DLGAP2: variants seen among roughly 807,000 people sequenced by gnomAD.
DLGAP2 encodes disks large-associated protein 2.
DLGAP2 carries 26 observed loss-of-function variants against 100.3 expected under a neutral mutation model. The ratio of observed to expected loss-of-function variants is 0.26; its 90% CI spans 0.19 to 0.36. The LOEUF is 0.36. Ranked by LOEUF, DLGAP2 falls within the 10% of genes least tolerant of loss-of-function variation. The pLI is 1.00. For synonymous variants in DLGAP2, 886 were observed against 630.1 expected (o/e 1.41, Z -6.08); for missense variants, 1,858 against 1,453.2 (o/e 1.28, Z -4.53).
chr8:1,524,073 G>A (rs1800708966), intron 4 of DLGAP2, among the ~76,000 whole-genome samples: 2 of 152,194 alleles, frequency 1.3e-5, no homozygotes, highest in Non-Finnish European at 2.9e-5. Flanking sequence ...TCCCGTGTAA[G>A]AGTTCAGCGG....
intron 2 of DLGAP2, among the ~76,000 whole-genome samples, chr8:943,994 T>G (rs1799255682): frequency 1.3e-5 from 2 of 152,382 alleles, no homozygotes; most frequent in African/African-American, 4.8e-5. Context: ...TGATTAATTT[T>G]GAGATTACAA....
chr8:1,666,793 A>G (rs190508847), intron 8 of DLGAP2, among the ~76,000 whole-genome samples: 76 of 152,284 alleles, frequency 5.0e-4, no homozygotes, highest in Admixed American at 1.4e-3. Context: ...TTAACTCGGG[A>G]TGACATTAGA....
At chr8:1,364,970 C>T (rs1280354076) in intron 3 of DLGAP2, among the ~76,000 whole-genome samples, 1 of 152,200 alleles carries the variant, frequency 6.6e-6, no homozygotes, top group Non-Finnish European at 1.5e-5. Context: ...GGCCCCACTC[C>T]CTCCATGCCT....
intron 3 of DLGAP2, among the ~76,000 whole-genome samples, chr8:1,351,878 G>T (rs1801736687): frequency 1.0e-5 from 1 of 95,992 alleles, no homozygotes; most frequent in Non-Finnish European, 2.2e-5. Context: ...GGTCCTGACT[G>T]TGTTTGGAAA....
chr8:1,068,863 A>G (rs996403490), intron 2 of DLGAP2, among the ~76,000 whole-genome samples: 1 of 152,054 alleles, frequency 6.6e-6, no homozygotes, highest in Non-Finnish European at 1.5e-5. Context: ...TATCAAGAAG[A>G]TGCTTCTAGA....
chr8:823,384 G>A (rs1465416386), intron 1 of DLGAP2, among the ~76,000 whole-genome samples: 3 of 152,020 alleles, frequency 2.0e-5, no homozygotes, highest in African/African-American at 4.8e-5. Flanking sequence ...TTCACAGTAC[G>A]CTTGTCAACT....
chr8:779,029 A>G (rs1340319194), intron 1 of DLGAP2, among the ~76,000 whole-genome samples: 1 of 151,724 alleles, frequency 6.6e-6, no homozygotes, highest in Non-Finnish European at 1.5e-5. Context: ...CAGGTGCAGG[A>G]TATAATCTTG....
chr8:1,497,448 G>A (rs1434138881), intron 3 of DLGAP2, among the ~76,000 whole-genome samples: 2 of 152,182 alleles, frequency 1.3e-5, no homozygotes, highest in African/African-American at 2.4e-5. Context: ...AGCAGCCAAC[G>A]TTGGCTTCCT....
intron 3 of DLGAP2, among the ~76,000 whole-genome samples, chr8:1,415,156 G>T (rs925098773): frequency 1.3e-5 from 2 of 152,186 alleles, no homozygotes; most frequent in Admixed American, 1.3e-4. Flanking sequence ...GTACAAACAG[G>T]CAACTCTATT....
intron 2 of DLGAP2, among the ~76,000 whole-genome samples, chr8:1,079,251 C>G (rs1803721673): frequency 6.6e-6 from 1 of 152,014 alleles, no homozygotes; most frequent in Non-Finnish European, 1.5e-5. Flanking sequence ...GATTGTTTTT[C>G]TTATTGTTGG....
At chr8:1,019,791 G>C (rs1376883217) in intron 2 of DLGAP2, 1 of 152,156 alleles carries the variant, frequency 6.6e-6, no homozygotes, top group East Asian at 1.9e-4. Flanking sequence ...TGTCAGACTG[G>C]GGGATTCAGG....
At chr8:1,614,874 C>T (rs950373755) in intron 6 of DLGAP2, among the ~76,000 whole-genome samples, 1 of 152,246 alleles carries the variant, frequency 6.6e-6, no homozygotes, top group African/African-American at 2.4e-5. Flanking sequence ...CACACACACA[C>T]GCATGCCCTC....
chr8:1,113,218 G>GC, intron 2 of DLGAP2, among the ~76,000 whole-genome samples: 1 of 152,164 alleles, frequency 6.6e-6, no homozygotes, highest in African/African-American at 2.4e-5. Flanking sequence ...TTTTACAATA[G>GC]TTTTTTTCTA....
At chr8:1,640,624 G>A (rs967793096) in intron 8 of DLGAP2, among the ~76,000 whole-genome samples, 1 of 152,116 alleles carries the variant, frequency 6.6e-6, no homozygotes, top group South Asian at 2.1e-4. Context: ...AAAGCCCAGG[G>A]TGTGCATCAT....
intron 5 of DLGAP2, among the ~76,000 whole-genome samples, chr8:1,559,298 A>G (rs1345018914): frequency 6.6e-6 from 1 of 152,202 alleles, no homozygotes; most frequent in Admixed American, 6.5e-5. Context: ...CCATAAAGCC[A>G]TTTTGGTTTC....
At chr8:1,212,149 C>G (rs1163285440) in intron 2 of DLGAP2, among the ~76,000 whole-genome samples, 6 of 152,188 alleles carry the variant, frequency 3.9e-5, no homozygotes. Flanking sequence ...AATGAAATCA[C>G]AAGAAAAGGG....
intron 3 of DLGAP2, among the ~76,000 whole-genome samples, chr8:1,356,671 G>T (rs527366006): frequency 2.4e-4 from 37 of 152,370 alleles, no homozygotes; most frequent in African/African-American, 7.2e-4. Flanking sequence ...GTTGGTGAAT[G>T]AGGTGAGTAT....
chr8:767,372 A>G (rs1481507768), intron 1 of DLGAP2, among the ~76,000 whole-genome samples: 3 of 119,256 alleles, frequency 2.5e-5, no homozygotes, highest in Admixed American at 9.6e-5. Flanking sequence ...TTTTTTTGAG[A>G]CAGAGTTTCG....
chr8:1,354,271 C>T (rs146700206), intron 3 of DLGAP2, among the ~76,000 whole-genome samples: 1 of 152,264 alleles, frequency 6.6e-6, no homozygotes, highest in African/African-American at 2.4e-5. Flanking sequence ...TTTGGGAGGC[C>T]AAGACGGGTG....
Sources: gnomAD v4.1 joint callset for allele counts (sites outside exome capture counted in the v4.1 genomes callset) on GRCh38, gnomAD v4.1.1 for gene constraint, MANE v1.5 for transcripts, NCBI Gene and HGNC (gene_info 2026-07-23, HGNC 2026-07-21) for gene names.